Variants in CTNNA3 observed in about 807,000 individuals in gnomAD.
CTNNA3 encodes catenin alpha 3.
A neutral mutation model predicts 95.7 loss-of-function variants in CTNNA3; 76 were observed. The ratio of observed to expected loss-of-function variants is 0.79; its 90% CI spans 0.66 to 0.96. The LOEUF (loss-of-function observed/expected upper bound fraction) is 0.96. Ranked by LOEUF, CTNNA3 falls within the 40% of genes least tolerant of loss-of-function variation. The pLI, the probability that CTNNA3 is intolerant of heterozygous loss-of-function variation, is 0.00. For synonymous variants in CTNNA3, 431 were observed against 374.4 expected, an observed-to-expected ratio of 1.15 and a Z score of -1.74; for missense variants, 1,191 against 1,089.8, an observed-to-expected ratio of 1.09 and a Z score of -1.31.
chr10:66,945,103 A>G (rs1848211010), intron 7 of CTNNA3, among the ~76,000 whole-genome samples: 1 of 152,104 alleles, frequency 6.6e-6, no homozygotes, highest in Admixed American at 6.6e-5. Flanking sequence ...CTAACAAGAG[A>G]CTCAGCTTGT....
At chr10:66,128,653 G>A (rs2133839887) in intron 13 of CTNNA3, among the ~76,000 whole-genome samples, 1 of 152,302 alleles carries the variant, frequency 6.6e-6, no homozygotes, top group African/African-American at 2.4e-5. Context: ...GGGAGGGGAT[G>A]TATAGGCAGA....
chr10:67,651,411 T>C (rs972840589), intron 1 of CTNNA3, among the ~76,000 whole-genome samples: 4 of 152,284 alleles, frequency 2.6e-5, no homozygotes, highest in Non-Finnish European at 5.9e-5. Flanking sequence ...TGGACTTTTA[T>C]TCCTGCTAGT....
chr10:67,539,207 T>TG (rs1300152716), intron 4 of CTNNA3, among the ~76,000 whole-genome samples: 1 of 152,014 alleles, frequency 6.6e-6, no homozygotes, highest in Non-Finnish European at 1.5e-5. Flanking sequence ...AATTATGTTA[T>TG]TTATTTATTT....
At chr10:67,201,349 C>T (rs1389307036) in intron 6 of CTNNA3, among the ~76,000 whole-genome samples, 3 of 152,204 alleles carry the variant, frequency 2.0e-5, no homozygotes, top group Admixed American at 6.5e-5. Flanking sequence ...TACATGTTTG[C>T]ACATACTCCT....
In CTNNA3 at chr10:67,587,227, G is replaced by GTC. The variant is rs1554858390; in HGVS notation, c.292+19629_292+19630insGA. 6.7e-4 allele frequency among the ~76,000 whole-genome samples: 101 copies of GTC among 150,724 alleles called. 3 individuals carry two copies. The highest frequency in any genetic ancestry group is 2.3e-3 in the African/African-American group (92 of 40,704). On this transcript the variant is annotated intron_variant, in intron 3 of 17. Transcript: ENST00000433211. Reference sequence around the variant, plus strand: ...TGTGTGTGTGTGTGTGTGTGTGTGTGTGTGTGTGTGTGTGTAGAGCCAGAG... The same window carrying GTC: ...TGTGTGTGTGTGTGTGTGTGTGTGTGTCTGTGTGTGTGTGTGTAGAGCCAGAG...
intron 7 of CTNNA3, among the ~76,000 whole-genome samples, chr10:66,872,730 GA>G (rs1396420459): frequency 3.3e-5 from 5 of 152,072 alleles, no homozygotes; most frequent in Non-Finnish European, 7.3e-5. Flanking sequence ...TGGTACACGT[GA>G]AGGTTTGTTA....
intron 7 of CTNNA3, among the ~76,000 whole-genome samples, chr10:66,975,965 C>T (rs571456872): frequency 6.6e-6 from 1 of 152,278 alleles, no homozygotes; most frequent in Non-Finnish European, 1.5e-5. Flanking sequence ...AACTGCTTAA[C>T]ATGCTACTGC....
chr10:67,615,765 C>T (rs1242041013), intron 2 of CTNNA3, among the ~76,000 whole-genome samples: 1 of 146,784 alleles, frequency 6.8e-6, no homozygotes, highest in Non-Finnish European at 1.5e-5. Flanking sequence ...TGGGTTCAAG[C>T]GATTCTCGTG....
chr10:67,575,053 A>G (rs1040997940), intron 3 of CTNNA3, among the ~76,000 whole-genome samples: 1 of 152,194 alleles, frequency 6.6e-6, no homozygotes, highest in African/African-American at 2.4e-5. Flanking sequence ...CTTCTTCTCC[A>G]AGGACCCAAT....
At chr10:67,691,757 A>G (rs1298642286) in intron 1 of CTNNA3, among the ~76,000 whole-genome samples, 1 of 146,858 alleles carries the variant, frequency 6.8e-6, no homozygotes, top group Non-Finnish European at 1.5e-5. Flanking sequence ...TCCGGGAGGG[A>G]GGTGGGGGGG....
At chr10:66,770,036 T>C (rs547369953) in intron 8 of CTNNA3, among the ~76,000 whole-genome samples, 1 of 152,304 alleles carries the variant, frequency 6.6e-6, no homozygotes, top group South Asian at 2.1e-4. Flanking sequence ...CAATGTCTTA[T>C]GTAAACTACT....
chr10:66,472,041 T>C (rs973843927), intron 11 of CTNNA3, among the ~76,000 whole-genome samples: 1 of 152,012 alleles, frequency 6.6e-6, no homozygotes, highest in Non-Finnish European at 1.5e-5. Context: ...CAGCAGATTG[T>C]TTTGTATTTT....
At chr10:66,377,200 A>G (rs2092801975) in intron 12 of CTNNA3, among the ~76,000 whole-genome samples, 1 of 152,130 alleles carries the variant, frequency 6.6e-6, no homozygotes, top group South Asian at 2.1e-4. Context: ...AAATTGGGAC[A>G]TCATAAACTA....
chr10:65,967,413 G>A (rs1167058987), intron 16 of CTNNA3, among the ~76,000 whole-genome samples: 2 of 151,982 alleles, frequency 1.3e-5, no homozygotes, highest in Non-Finnish European at 2.9e-5. Context: ...CTATTAGAAG[G>A]CTCCTAGAAT....
At chr10:66,360,177 C>A (rs2092642745) in intron 12 of CTNNA3, among the ~76,000 whole-genome samples, 1 of 145,150 alleles carries the variant, frequency 6.9e-6, no homozygotes, top group Non-Finnish European at 1.5e-5. Context: ...AGCATTATAT[C>A]TATATATAAA....
intron 13 of CTNNA3, among the ~76,000 whole-genome samples, chr10:66,219,949 C>T (rs1211513944): frequency 6.6e-6 from 1 of 151,906 alleles, no homozygotes; most frequent in Non-Finnish European, 1.5e-5. Context: ...CATGGAGAAA[C>T]CTCATCTCTA....
intron 7 of CTNNA3, among the ~76,000 whole-genome samples, chr10:66,907,349 C>T (rs923270459): frequency 6.6e-6 from 1 of 151,996 alleles, no homozygotes; most frequent in African/African-American, 2.4e-5. Context: ...TTGTAATTTT[C>T]CTAGTTGTTA....
At chr10:66,266,100 A>AGAGG (rs1241918674) in intron 13 of CTNNA3, among the ~76,000 whole-genome samples, 2 of 149,184 alleles carry the variant, frequency 1.3e-5, no homozygotes, top group South Asian at 4.3e-4. Flanking sequence ...GGAGAGAAAG[A>AGAGG]GAGGGAGGAA....
At chr10:67,117,363 C>T (rs556572672) in intron 7 of CTNNA3, among the ~76,000 whole-genome samples, 1 of 151,952 alleles carries the variant, frequency 6.6e-6, no homozygotes, top group Admixed American at 6.6e-5. Context: ...GAATGTCAGC[C>T]AACATTCCAT....
Sources: allele counts gnomAD v4.1 joint callset (sites outside exome capture counted in the v4.1 genomes callset), GRCh38; gene constraint gnomAD v4.1.1; transcripts MANE v1.5; gene names NCBI Gene and HGNC (gene_info 2026-07-23, HGNC 2026-07-21).